Variants in PTCHD1 observed in about 807,000 individuals in gnomAD.
The protein encoded by PTCHD1 is patched domain-containing protein 1.
PTCHD1 carries 3 observed loss-of-function variants against 34.6 expected under a neutral mutation model. The observed-to-expected ratio is 0.09, with a 90% CI of 0.04 to 0.22. The LOEUF (loss-of-function observed/expected upper bound fraction) is 0.22. Among genes scored for constraint, PTCHD1 ranks in the 10% least tolerant of loss-of-function variants. The probability of loss-of-function intolerance (pLI) is 1.00; values close to 1 mark genes in which losing one functional copy is unlikely to be tolerated. For missense variants in PTCHD1, 504 were observed against 685.5 expected, an observed-to-expected ratio of 0.74 and a Z score of 2.96; for synonymous variants, 305 against 283.1, an observed-to-expected ratio of 1.08 and a Z score of -0.77.
At chrX:23,359,240 G>C (rs1478972706) in intron 1 of PTCHD1, among the ~76,000 whole-genome samples, 8 of 112,390 alleles carry the variant, frequency 7.1e-5, no homozygotes, top group African/African-American at 1.9e-4. Context: ...ACCTTGGGCA[G>C]TATGGCCATT....
chrX:23,377,718 G>A (rs191220255), intron 1 of PTCHD1, among the ~76,000 whole-genome samples: 256 of 110,639 alleles, frequency 2.3e-3, no homozygotes, highest in African/African-American at 8.1e-3. Context: ...AGAGATGGGG[G>A]GCAAGGGGCC....
In PTCHD1 at chrX:23,393,567, T is replaced by C. The variant is rs1270686488; in HGVS notation, c.2049T>C (p.Asn683=). Residue 683 remains asparagine (N), a synonymous_variant, in exon 3 of 3, where the codon AAT becomes AAC. Transcript: ENST00000379361. The part of the protein sequence containing the change: ...VTSKVKFIVF[N]PSFVYMDRYA... Reference sequence around the variant, plus strand: ...CCAAGGTGAAGTTCATCGTCTTCAATCCGTCCTTTGTATACATGGATCGAT... The same window carrying C: ...CCAAGGTGAAGTTCATCGTCTTCAACCCGTCCTTTGTATACATGGATCGAT... The C allele has an allele frequency of 1.7e-6, 2 of 1,211,456 alleles. No individual in the cohort carries two copies. Among genetic ancestry groups the C allele is most frequent in the East Asian group, 3.0e-5 (1 of 33,829 alleles).
intron 1 of PTCHD1, among the ~76,000 whole-genome samples, chrX:23,357,379 G>A (rs745640971): frequency 9.9e-5 from 11 of 111,627 alleles, no homozygotes; most frequent in East Asian, 2.8e-4. Context: ...TAAAAAGACC[G>A]GCAGTACTGA....
chrX:23,357,532 G>A (rs1268724284), intron 1 of PTCHD1, among the ~76,000 whole-genome samples: 1 of 111,167 alleles, frequency 9.0e-6, no homozygotes, highest in Admixed American at 9.5e-5. Context: ...TATACCCAGT[G>A]ATGTGCTGGG....
chrX:23,399,481 G>T lies in PTCHD1; in HGVS notation c.*5296G>T, dbSNP rs1194897882. ...CAAAAGAGGTCTATGACCGAAAAAG[G>T]GTGAAGAACCACTGTCCTAAATTAA... On this transcript the variant is annotated 3_prime_UTR_variant, in exon 3 of 3. Coordinates refer to ENST00000379361, the MANE Select transcript of PTCHD1 (RefSeq NM_173495.3). 9.0e-6 allele frequency: 1 copy of T among 111,335 alleles called. No individual in the cohort carries two copies. The highest frequency in any genetic ancestry group is 1.9e-5 in the Non-Finnish European group (1 of 53,080). 9.2% of individuals were successfully genotyped at this position (111,335 alleles called of 1,213,427 possible).
chrX:23,337,751 G>T (rs1373130232), intron 1 of PTCHD1, among the ~76,000 whole-genome samples: 1 of 111,397 alleles, frequency 9.0e-6, no homozygotes, highest in East Asian at 2.8e-4. Flanking sequence ...GCATGAGCAG[G>T]TCTGAGGCTT....
At chrX:23,390,172 T>A (rs1922792137) in intron 2 of PTCHD1, among the ~76,000 whole-genome samples, 1 of 111,423 alleles carries the variant, frequency 9.0e-6, no homozygotes, top group Non-Finnish European at 1.9e-5. Context: ...CGCTATATGC[T>A]TTATTTTCTT....
In PTCHD1 at chrX:23,393,159, G is replaced by C; in HGVS notation, c.1641G>C (p.Lys547Asn). 1 of 1,211,723 alleles carries C rather than the reference G, an allele frequency of 8.3e-7. No homozygotes were observed. The highest frequency in any genetic ancestry group is 1.1e-6 in the Non-Finnish European group (1 of 895,359). ...TTGAGTACACTACTGCCCAGCAAAA[G>C]TACTTCAGCAACTACAGTCCTGTGA... ...QTIEYTTAQQ[K>N]YFSNYSPVIG... The change falls in exon 3 of 3, where the codon AAG becomes AAC. Residue 547 changes from lysine (K) to asparagine (N), a missense_variant. Transcript: ENST00000379361.
intron 1 of PTCHD1, among the ~76,000 whole-genome samples, chrX:23,366,074 A>G (rs1413646971): frequency 4.4e-5 from 5 of 112,473 alleles, no homozygotes; most frequent in Admixed American, 9.4e-5. Flanking sequence ...ATCCTGTTCT[A>G]TTACCTGGCT....
chrX:23,387,067 C>A (rs1922702014), intron 2 of PTCHD1, among the ~76,000 whole-genome samples: 2 of 112,004 alleles, frequency 1.8e-5, no homozygotes, highest in South Asian at 7.6e-4. Context: ...TTACAAAATC[C>A]AGAAGTATTA....
At chrX:23,361,896 C>T (rs957605732) in intron 1 of PTCHD1, among the ~76,000 whole-genome samples, 32 of 111,786 alleles carry the variant, frequency 2.9e-4, no homozygotes, top group African/African-American at 1.0e-3. Flanking sequence ...TTTTATTTCT[C>T]CTTCACTTAT....
chrX:23,375,584 G>A (rs766827152), intron 1 of PTCHD1, among the ~76,000 whole-genome samples: 56 of 111,524 alleles, frequency 5.0e-4, no homozygotes, highest in Middle Eastern at 9.2e-3. Context: ...GCCCGGCCGG[G>A]CTGACAATTC....
In PTCHD1 at chrX:23,391,727, G is replaced by A. The variant is rs1043514969; in HGVS notation, c.1013-804G>A. ...GCACTGACCCCTAGCCAGACTTGTGGGGACGGAAAGCAAAATGATGAGTGT... is the reference window on the plus strand; with the variant it reads ...GCACTGACCCCTAGCCAGACTTGTGAGGACGGAAAGCAAAATGATGAGTGT... On this transcript the variant is annotated intron_variant, in intron 2 of 2. Coordinates refer to ENST00000379361, the MANE Select transcript of PTCHD1 (RefSeq NM_173495.3). Among the ~76,000 whole-genome samples, 3 of 111,840 alleles carry A rather than the reference G, an allele frequency of 2.7e-5. No homozygotes were observed. The Admixed American group carries it at 2.9e-4, about 11-fold the overall frequency.
At chrX:23,361,683 C>G (rs1921988705) in intron 1 of PTCHD1, among the ~76,000 whole-genome samples, 1 of 111,805 alleles carries the variant, frequency 8.9e-6, no homozygotes, top group Non-Finnish European at 1.9e-5. Flanking sequence ...TGAATTTGAT[C>G]CTGTCATTAT....
intron 1 of PTCHD1, among the ~76,000 whole-genome samples, chrX:23,375,088 AG>A (rs1195277523): frequency 2.7e-5 from 3 of 111,727 alleles, no homozygotes; most frequent in African/African-American, 9.8e-5. Flanking sequence ...ATGGAGATTA[AG>A]AAAAATCGTT....
rs767541419 is a variant in PTCHD1 at position 23,396,534 on chromosome X, G to A, written c.*2349G>A. 1 of 112,075 alleles carries A rather than the reference G, an allele frequency of 8.9e-6. No individual in the cohort carries two copies. Among genetic ancestry groups the A allele is most frequent in the East Asian group, 2.8e-4 (1 of 3,563 alleles). 9.2% of individuals were successfully genotyped at this position (112,075 alleles called of 1,213,427 possible). A position where few individuals can be genotyped will look rare whatever the true frequency, so the allele number is the denominator to read the frequency against. On this transcript the variant is annotated 3_prime_UTR_variant, in exon 3 of 3. Coordinates refer to ENST00000379361, the MANE Select transcript of PTCHD1 (RefSeq NM_173495.3). ...GCCACGTGGAGCACCTCGGCTTAAA[G>A]CAGCTCCACAAAACCTGACACAACA...
intron 1 of PTCHD1, among the ~76,000 whole-genome samples, chrX:23,339,131 G>A (rs565692604): frequency 3.1e-4 from 35 of 111,894 alleles, no homozygotes; most frequent in South Asian, 1.1e-3. Context: ...ATAAATACTT[G>A]TTGAATAGAC....
chrX:23,349,832 G>C (rs758506143), intron 1 of PTCHD1, among the ~76,000 whole-genome samples: 25 of 110,042 alleles, frequency 2.3e-4, no homozygotes, highest in African/African-American at 7.9e-4. Context: ...ACTACTCTGG[G>C]AAAATACATA....
chrX:23,370,778 T>C (rs1382547330), intron 1 of PTCHD1, among the ~76,000 whole-genome samples: 2 of 112,338 alleles, frequency 1.8e-5, no homozygotes, highest in Non-Finnish European at 3.8e-5. Flanking sequence ...AGTATTATTA[T>C]TCAGTTTCAA....
Sources: allele counts gnomAD v4.1 joint callset (sites outside exome capture counted in the v4.1 genomes callset), GRCh38; gene constraint gnomAD v4.1.1; transcripts MANE v1.5; gene names NCBI Gene and HGNC (gene_info 2026-07-23, HGNC 2026-07-21).